The following SNX29 variants were observed in gnomAD, a reference collection of about 807,000 sequenced individuals.
SNX29 encodes sorting nexin 29, also known as sorting nexin-29.
A neutral mutation model predicts 102.1 loss-of-function variants in SNX29; 78 were observed. The ratio of observed to expected loss-of-function variants is 0.76; its 90% confidence interval spans 0.64 to 0.92. The LOEUF (loss-of-function observed/expected upper bound fraction) is 0.92, where lower values mean the gene tolerates loss of function less well. Among genes scored for constraint, SNX29 ranks in the 40% least tolerant of loss-of-function variants. SNX29 has a pLI of 0.00. For synonymous variants in SNX29, 580 were observed against 414.5 expected (o/e 1.40, Z -4.85); for missense variants, 1,280 against 1,061.7 (o/e 1.21, Z -2.86).
At chr16:12,148,096 C>A (rs2055142904) in intron 13 of SNX29, among the ~76,000 whole-genome samples, 2 of 152,172 alleles carry the variant, frequency 1.3e-5, no homozygotes, top group South Asian at 4.1e-4. Flanking sequence ...CTCCAGCCAC[C>A]AAGTAGCCAT....
intron 19 of SNX29, chr16:12,515,505 C>G (rs1179661977): frequency 2.0e-6 from 1 of 488,262 alleles, no homozygotes; most frequent in East Asian, 4.8e-5. Flanking sequence ...CCTTGCCTCC[C>G]CAGCCGCCAC....
intron 19 of SNX29, among the ~76,000 whole-genome samples, chr16:12,488,733 A>T (rs1189873038): frequency 1.3e-5 from 2 of 152,094 alleles, no homozygotes; most frequent in Non-Finnish European, 2.9e-5. Context: ...CTGGACATTG[A>T]CCAGCTGATA....
chr16:12,504,930 A>C (rs913285797), intron 19 of SNX29, among the ~76,000 whole-genome samples: 2 of 152,122 alleles, frequency 1.3e-5, no homozygotes, highest in African/African-American at 4.8e-5. Context: ...TATTTTGCCT[A>C]TTCATTCGTC....
At chr16:12,221,365 A>C (rs1030664003) in intron 14 of SNX29, among the ~76,000 whole-genome samples, 2 of 152,228 alleles carry the variant, frequency 1.3e-5, no homozygotes, top group Non-Finnish European at 2.9e-5. Context: ...CCGTAATCCC[A>C]GCACTTCGGG....
intron 11 of SNX29, among the ~76,000 whole-genome samples, chr16:12,108,576 C>T (rs1034604397): frequency 8.5e-5 from 13 of 152,116 alleles, no homozygotes; most frequent in South Asian, 2.1e-4. Flanking sequence ...AGTGTGCATG[C>T]GGGAACCTCC....
intron 20 of SNX29, among the ~76,000 whole-genome samples, chr16:12,565,164 C>G (rs190108509): frequency 6.6e-6 from 1 of 152,124 alleles, no homozygotes. Flanking sequence ...TTACATACTC[C>G]CAGTCCTACC....
intron 20 of SNX29, among the ~76,000 whole-genome samples, chr16:12,538,221 T>C (rs931171264): frequency 5.3e-5 from 8 of 152,110 alleles, no homozygotes; most frequent in African/African-American, 1.9e-4. Context: ...GTTCATGCCA[T>C]TCTTGTGCCT....
At chr16:12,272,755 C>T (rs368310560) in intron 14 of SNX29, among the ~76,000 whole-genome samples, 16 of 152,354 alleles carry the variant, frequency 1.1e-4, no homozygotes, top group African/African-American at 3.4e-4. Flanking sequence ...ACTTGCCACC[C>T]TTCAGAAGCC....
chr16:12,338,436 A>C (rs991772325), intron 15 of SNX29, among the ~76,000 whole-genome samples: 1 of 152,184 alleles, frequency 6.6e-6, no homozygotes, highest in Non-Finnish European at 1.5e-5. Context: ...ATTCCCGGGA[A>C]CAAGGAAGCT....
At position 12,569,868 on chromosome 16, in the gene SNX29, G is replaced by A. The variant is rs1047495999; in HGVS notation, c.*1239G>A. 2.2e-5 allele frequency: 5 copies of A among 231,278 alleles called. No homozygotes were observed. The highest frequency in any genetic ancestry group is 1.2e-4 in the East Asian group (2 of 16,346). 14.3% of individuals were successfully genotyped at this position (231,278 alleles called of 1,614,324 possible). ...GGAAGGATGTCGTGAAATGGACTAT[G>A]CAAGAGTAAGTTTGTGTGTTTCGCC... On this transcript the variant is annotated 3_prime_UTR_variant, in exon 21 of 21. Coordinates refer to ENST00000566228, the MANE Select transcript of SNX29 (RefSeq NM_032167.5).
chr16:12,315,053 A>G (rs1199698453), intron 15 of SNX29, among the ~76,000 whole-genome samples: 1 of 152,186 alleles, frequency 6.6e-6, no homozygotes, highest in Admixed American at 6.5e-5. Flanking sequence ...ACATATCTTA[A>G]TTATGACTTC....
At position 12,268,980 on chromosome 16, in the gene SNX29, T is replaced by C. The variant is rs549294095; in HGVS notation, c.1679-8953T>C. Among the ~76,000 whole-genome samples, 13 of 152,336 alleles carry C rather than the reference T, an allele frequency of 8.5e-5. No individual in the cohort carries two copies. The South Asian group carries it at 2.1e-3, about 24-fold the overall frequency. On this transcript the variant is annotated intron_variant, in intron 14 of 20. Transcript: ENST00000566228. ...CCGGCTGCGATGAGATGAAAAGTTA[T>C]GAATGTTCTCTAAGTTTAGATGACC...
rs377595333 is a variant in SNX29 at position 12,193,828 on chromosome 16, T to C, written c.1596-5773T>C. Among the ~76,000 whole-genome samples, 68 of 152,344 alleles carry C rather than the reference T, an allele frequency of 4.5e-4. No homozygotes were observed. In the South Asian group the frequency reaches 0.014, roughly 31 times the overall value. On this transcript the variant is annotated intron_variant, in intron 13 of 20. Coordinates refer to ENST00000566228, the MANE Select transcript of SNX29 (RefSeq NM_032167.5). Reference sequence around the variant, plus strand: ...TGTATGGGTTTATTCCCTGATTCTTTGGTCTGTCTTGTTGGTGTGTGTCTG... The same window carrying C: ...TGTATGGGTTTATTCCCTGATTCTTCGGTCTGTCTTGTTGGTGTGTGTCTG...
At chr16:12,492,417 A>G (rs2151866575) in intron 19 of SNX29, among the ~76,000 whole-genome samples, 1 of 152,246 alleles carries the variant, frequency 6.6e-6, no homozygotes, top group East Asian at 1.9e-4. Context: ...TTCATTGTAG[A>G]TACTGGATAT....
chr16:12,524,212 C>T (rs1196184321), intron 19 of SNX29, among the ~76,000 whole-genome samples: 2 of 152,106 alleles, frequency 1.3e-5, no homozygotes, highest in Non-Finnish European at 2.9e-5. Context: ...CTTTCTTAAT[C>T]AGTGGCAGTT....
At chr16:12,532,160 C>T (rs953528064) in intron 20 of SNX29, among the ~76,000 whole-genome samples, 7 of 152,200 alleles carry the variant, frequency 4.6e-5, no homozygotes, top group Non-Finnish European at 1.0e-4. Context: ...CTGTGTGTTC[C>T]TGGCTCTGTC....
chr16:12,339,041 G>A (rs1043712081), intron 15 of SNX29, among the ~76,000 whole-genome samples: 1 of 152,146 alleles, frequency 6.6e-6, no homozygotes, highest in Admixed American at 6.6e-5. Context: ...TTTGAATTCA[G>A]TGGAAAGAGA....
At chr16:12,391,139 T>G (rs2083514668) in intron 16 of SNX29, among the ~76,000 whole-genome samples, 1 of 151,920 alleles carries the variant, frequency 6.6e-6, no homozygotes, top group African/African-American at 2.4e-5. Context: ...TGAGATGGGG[T>G]CTCCCTGTGT....
chr16:12,322,587 G>A (rs1204118904), intron 15 of SNX29, among the ~76,000 whole-genome samples: 1 of 152,158 alleles, frequency 6.6e-6, no homozygotes, highest in Non-Finnish European at 1.5e-5. Flanking sequence ...AACTAAGGTG[G>A]AGTTCTAATA....
Sources: gnomAD v4.1 joint callset for allele counts (sites outside exome capture counted in the v4.1 genomes callset) on GRCh38, gnomAD v4.1.1 for gene constraint, MANE v1.5 for transcripts, NCBI Gene and HGNC (gene_info 2026-07-23, HGNC 2026-07-21) for gene names.